The following ADGRB3 variants were observed in gnomAD, a reference collection of about 807,000 sequenced individuals.
ADGRB3 encodes the protein adhesion G protein-coupled receptor B3, also known as brain-specific angiogenesis inhibitor 3.
ADGRB3 carries 37 observed loss-of-function variants against 193.4 expected under a neutral mutation model. The ratio of observed to expected loss-of-function variants is 0.19; its 90% CI spans 0.15 to 0.25. ADGRB3 has a LOEUF of 0.25. ADGRB3 is among the 10% of genes least tolerant of loss of function. ADGRB3 has a pLI of 1.00. For synonymous variants in ADGRB3, 690 were observed against 644.2 expected (o/e 1.07, Z -1.08); for missense variants, 1,637 against 1,852.9 (o/e 0.88, Z 2.14).
rs527994901 is a variant in ADGRB3 at position 68,702,240 on chromosome 6, G to A, written c.757+62808G>A. ...AGAGAGAGAGAGAGAGGAGAGGGAG[G>A]GAAGTACTACACTTTTTTAAATGAC... On this transcript the variant is annotated intron_variant, in intron 3 of 31. Transcript: ENST00000370598. 3.3e-5 allele frequency among the ~76,000 whole-genome samples: 5 copies of A among 150,978 alleles called. No homozygotes were observed. The South Asian group carries it at 8.4e-4, about 25-fold the overall frequency.
chr6:68,646,664 A>G (rs1768223493), intron 3 of ADGRB3, among the ~76,000 whole-genome samples: 1 of 151,860 alleles, frequency 6.6e-6, no homozygotes, highest in African/African-American at 2.4e-5. Context: ...AGAACATTTT[A>G]TTTTATTTTT....
At chr6:68,873,547 T>C (rs1354863315) in intron 3 of ADGRB3, among the ~76,000 whole-genome samples, 1 of 152,046 alleles carries the variant, frequency 6.6e-6, no homozygotes, top group Non-Finnish European at 1.5e-5. Flanking sequence ...ATAAGGAAAA[T>C]TAAAAATGGT....
chr6:68,743,088 C>A (rs1766012474), intron 3 of ADGRB3, among the ~76,000 whole-genome samples: 1 of 151,962 alleles, frequency 6.6e-6, no homozygotes. Flanking sequence ...TATAGAATCA[C>A]ATTTCTTTAG....
At chr6:68,762,185 A>C (rs892096022) in intron 3 of ADGRB3, among the ~76,000 whole-genome samples, 3 of 151,912 alleles carry the variant, frequency 2.0e-5, no homozygotes, top group African/African-American at 7.2e-5. Context: ...CCACCATCTC[A>C]TCTTCTGTCT....
chr6:68,827,151 C>A (rs1767860023), intron 3 of ADGRB3, among the ~76,000 whole-genome samples: 1 of 152,022 alleles, frequency 6.6e-6, no homozygotes, highest in Non-Finnish European at 1.5e-5. Flanking sequence ...TGGGAGATGA[C>A]AGAAAGCCAG....
At chr6:68,924,741 T>A (rs184806700) in intron 3 of ADGRB3, among the ~76,000 whole-genome samples, 69 of 152,116 alleles carry the variant, frequency 4.5e-4, no homozygotes, top group Non-Finnish European at 8.8e-4. Context: ...TTCATTTTGT[T>A]ACTGTAAGAA....
At position 69,327,812 on chromosome 6, in the gene ADGRB3, T is replaced by C. The variant is rs1215300114; in HGVS notation, c.2966-8T>C. 6 of 1,605,452 alleles carry C rather than the reference T, an allele frequency of 3.7e-6. No individual in the cohort carries two copies. The highest frequency in any genetic ancestry group is 5.1e-6 in the Non-Finnish European group (6 of 1,173,602). ...AAATATGAATGCGTGACATTGCTTT[T>C]CTTGCAGGTTTACCAGCATTAGTAG... On this transcript the variant is annotated splice_polypyrimidine_tract_variant and splice_region_variant and intron_variant, in intron 21 of 31. Coordinates refer to ENST00000370598, the MANE Select transcript of ADGRB3 (RefSeq NM_001704.3).
At chr6:69,006,453 T>G (rs966072180) in intron 11 of ADGRB3, among the ~76,000 whole-genome samples, 2 of 152,114 alleles carry the variant, frequency 1.3e-5, no homozygotes, top group Non-Finnish European at 2.9e-5. Context: ...TTTTACCTAG[T>G]TAAAAGAATG....
intron 17 of ADGRB3, among the ~76,000 whole-genome samples, chr6:69,169,993 C>T (rs1775232479): frequency 6.6e-6 from 1 of 152,140 alleles, no homozygotes; most frequent in East Asian, 1.9e-4. Context: ...GAAGTCAGAT[C>T]GAGAAAACCA....
At chr6:69,140,933 A>C (rs1458163504) in intron 17 of ADGRB3, among the ~76,000 whole-genome samples, 1 of 152,158 alleles carries the variant, frequency 6.6e-6, no homozygotes, top group Non-Finnish European at 1.5e-5. Flanking sequence ...GCACTGTTTT[A>C]GGTATAGCAA....
At chr6:69,234,198 G>A (rs1481971624) in intron 18 of ADGRB3, among the ~76,000 whole-genome samples, 1 of 152,042 alleles carries the variant, frequency 6.6e-6, no homozygotes, top group African/African-American at 2.4e-5. Context: ...TTTAGAACAC[G>A]CTTAAAGTGT....
chr6:68,688,914 T>C (rs577434697), intron 3 of ADGRB3, among the ~76,000 whole-genome samples: 2 of 152,286 alleles, frequency 1.3e-5, no homozygotes, highest in South Asian at 2.1e-4. Flanking sequence ...TTCCCCATTG[T>C]CCTAATCATT....
chr6:68,822,289 T>A (rs1445808606), intron 3 of ADGRB3, among the ~76,000 whole-genome samples: 1 of 151,952 alleles, frequency 6.6e-6, no homozygotes, highest in Non-Finnish European at 1.5e-5. Flanking sequence ...AATAAAATTA[T>A]TGAGAAGGCC....
chr6:68,904,262 C>T (rs1766484347), intron 3 of ADGRB3, among the ~76,000 whole-genome samples: 1 of 152,090 alleles, frequency 6.6e-6, no homozygotes, highest in Non-Finnish European at 1.5e-5. Context: ...TATCTAAACA[C>T]ACCTAAACAT....
intron 3 of ADGRB3, among the ~76,000 whole-genome samples, chr6:68,836,739 CA>C (rs1768053420): frequency 6.6e-6 from 1 of 152,072 alleles, no homozygotes. Flanking sequence ...CTGTAACCCC[CA>C]ATACTTTAGG....
chr6:68,989,167 A>G (rs930112449), intron 10 of ADGRB3, among the ~76,000 whole-genome samples: 5 of 152,192 alleles, frequency 3.3e-5, no homozygotes, highest in African/African-American at 1.2e-4. Context: ...CAGCAAATGC[A>G]GGAATCAGGA....
At chr6:68,898,842 A>C (rs1766315120) in intron 3 of ADGRB3, among the ~76,000 whole-genome samples, 1 of 152,178 alleles carries the variant, frequency 6.6e-6, no homozygotes, top group Non-Finnish European at 1.5e-5. Flanking sequence ...GGCAAATTCC[A>C]GTTGAGAAAA....
At position 68,714,939 on chromosome 6, in the gene ADGRB3, T is replaced by G. The variant is rs553722325; in HGVS notation, c.757+75507T>G. Among the ~76,000 whole-genome samples, 243 of 151,852 alleles carry G rather than the reference T, an allele frequency of 1.6e-3. 2 individuals are homozygous for G. The highest frequency in any genetic ancestry group is 5.6e-3 in the African/African-American group (234 of 41,458). ...AAAGGTTACTATAATCCATGTCACATTTGAGGTTGTGAGGAGAATCAAATG... is the reference window on the plus strand; with the variant it reads ...AAAGGTTACTATAATCCATGTCACAGTTGAGGTTGTGAGGAGAATCAAATG... On this transcript the variant is annotated intron_variant, in intron 3 of 31. Transcript: ENST00000370598.
chr6:68,921,656 A>G (rs1767047028), intron 3 of ADGRB3, among the ~76,000 whole-genome samples: 1 of 152,136 alleles, frequency 6.6e-6, no homozygotes, highest in Non-Finnish European at 1.5e-5. Flanking sequence ...GGGAAATATA[A>G]GGGAATGATG....
Sources: allele counts gnomAD v4.1 joint callset (sites outside exome capture counted in the v4.1 genomes callset), GRCh38; gene constraint gnomAD v4.1.1; transcripts MANE v1.5; gene names NCBI Gene and HGNC (gene_info 2026-07-23, HGNC 2026-07-21).